Variants in TCERG1 observed in about 807,000 individuals in gnomAD.
TCERG1 encodes transcription elongation regulator 1.
Under a neutral mutation model 144.7 loss-of-function variants are expected in TCERG1, and 37 were observed. That is an observed-to-expected ratio of 0.26 (90% CI 0.20 to 0.34). TCERG1 has a LOEUF of 0.34. Ranked by LOEUF, TCERG1 falls within the 10% of genes least tolerant of loss-of-function variation. The pLI is 1.00. For missense variants in TCERG1, 1,027 were observed against 1,380.7 expected, an observed-to-expected ratio of 0.74 and a Z score of 4.06; for synonymous variants, 492 against 458.2, an observed-to-expected ratio of 1.07 and a Z score of -0.94.
At chr5:146,495,531 T>G (rs1418260525) in intron 16 of TCERG1, among the ~76,000 whole-genome samples, 1 of 152,246 alleles carries the variant, frequency 6.6e-6, no homozygotes, top group African/African-American at 2.4e-5. Context: ...TTGCAATATA[T>G]TCATTGTTAA....
chr5:146,470,355 G>A (rs1053358330), intron 7 of TCERG1, among the ~76,000 whole-genome samples: 2 of 152,018 alleles, frequency 1.3e-5, no homozygotes, highest in Non-Finnish European at 2.9e-5. Context: ...ATCCCTTTTA[G>A]CAAAATGAAT....
At chr5:146,448,623 A>G (rs529722349) in intron 1 of TCERG1, among the ~76,000 whole-genome samples, 69 of 152,344 alleles carry the variant, frequency 4.5e-4, no homozygotes, top group Non-Finnish European at 8.7e-4. Context: ...GGAAATGGGT[A>G]TTGTTATTCA....
chr5:146,501,026 A>G (rs184253683), intron 17 of TCERG1, among the ~76,000 whole-genome samples: 2 of 151,976 alleles, frequency 1.3e-5, no homozygotes, highest in Non-Finnish European at 2.9e-5. Context: ...AAAAGAAAAA[A>G]AAGTCTACTT....
intron 19 of TCERG1, chr5:146,505,626 G>A (rs185603793): frequency 0.021 from 3,136 of 152,204 alleles, 49 homozygotes; most frequent in Middle Eastern, 0.054. Flanking sequence ...TCAGGGGTAC[G>A]CTCAAGTATC....
At chr5:146,466,020 CA>C (rs57028887) in intron 5 of TCERG1, among the ~76,000 whole-genome samples, 1,627 of 82,026 alleles carry the variant, frequency 0.02, 13 homozygotes, top group African/African-American at 0.055. Context: ...AACTCTGTCT[CA>C]AAAAAAAAAA....
At position 146,503,431 on chromosome 5, in the gene TCERG1, A is replaced by G; in HGVS notation, c.2490A>G (p.Arg830=). ...ATCATCACTTGGACAGTCAGTCTCGATGGAGCAAAGTAAAAGACAAAGTAG... is the reference window on the plus strand; with the variant it reads ...ATCATCACTTGGACAGTCAGTCTCGGTGGAGCAAAGTAAAAGACAAAGTAG... The part of the protein sequence containing the change: ...LSNHHLDSQS[R]WSKVKDKVES... Residue 830 remains arginine, a synonymous_variant, in exon 18 of 23, where the codon CGA becomes CGG. Transcript: ENST00000679501. 1 of 1,613,894 alleles carries G rather than the reference A, an allele frequency of 6.2e-7. No individual in the cohort carries two copies.
intron 1 of TCERG1, 150 bp downstream of exon 1, chr5:146,447,558 G>A: frequency 9.5e-7 from 1 of 1,051,864 alleles, no homozygotes; most frequent in African/African-American, 1.7e-5. Context: ...AAGGGGGAAG[G>A]GGAAGGTGGC....
At chr5:146,495,668 G>A (rs1448793392) in intron 16 of TCERG1, among the ~76,000 whole-genome samples, 1 of 152,152 alleles carries the variant, frequency 6.6e-6, no homozygotes, top group Non-Finnish European at 1.5e-5. Context: ...TTAACCTTCA[G>A]TTGATGTTTT....
intron 15 of TCERG1, 75 bp from the exon 16 acceptor site, chr5:146,492,845 C>A: frequency 2.9e-6 from 3 of 1,027,652 alleles, no homozygotes; most frequent in Non-Finnish European, 4.5e-6. Flanking sequence ...TGGACAAAGA[C>A]ATTGTCCAAT....
At chr5:146,476,265 T>C (rs1208644158) in intron 9 of TCERG1, among the ~76,000 whole-genome samples, 1 of 152,228 alleles carries the variant, frequency 6.6e-6, no homozygotes, top group African/African-American at 2.4e-5. Context: ...GCCATTTAGA[T>C]CTACCTGAAG....
rs898855189 is a variant in TCERG1, at chr5:146,468,371, C to T, written c.1166C>T (p.Pro389Leu). ...GVAMMQIVSC[P>L]YVKTVATTKT... ...GCAATGATGCAAATAGTCAGCTGCC[C>T]GTATGTAAAGACAGTCGCTACCACC... The change falls in exon 6 of 23, where the codon CCG (proline) becomes CTG (leucine). Residue 389 changes from proline to leucine, a missense_variant. Coordinates refer to ENST00000679501, the MANE Select transcript of TCERG1 (RefSeq NM_001382548.1). 3 of 1,607,560 alleles carry T rather than the reference C, an allele frequency of 1.9e-6. No homozygotes were observed. Among genetic ancestry groups the T allele is most frequent in the African/African-American group, 1.3e-5 (1 of 74,390 alleles).
intron 1 of TCERG1, 85 bp from the exon 2 acceptor site, chr5:146,454,971 A>T (rs993204120): frequency 1.4e-6 from 2 of 1,428,704 alleles, no homozygotes; most frequent in Non-Finnish European, 1.9e-6. Flanking sequence ...AGAACCTTTT[A>T]AATTTGATGG....
chr5:146,447,606 C>T (rs941676730), intron 1 of TCERG1, among the ~76,000 whole-genome samples, 198 bp downstream of exon 1: 2 of 152,344 alleles, frequency 1.3e-5, no homozygotes, highest in South Asian at 2.1e-4. Context: ...CCAGGGCCTC[C>T]TGCGCGTTCC....
chr5:146,483,387 C>G (rs1765533496), intron 14 of TCERG1, among the ~76,000 whole-genome samples, 153 bp from the exon 15 acceptor site: 1 of 151,986 alleles, frequency 6.6e-6, no homozygotes. Context: ...CTATTGCTAG[C>G]CTCCCACTGC....
At chr5:146,463,371 A>G (rs1031990762) in intron 4 of TCERG1, among the ~76,000 whole-genome samples, 180 bp from the exon 5 acceptor site, 1 of 152,056 alleles carries the variant, frequency 6.6e-6, no homozygotes, top group East Asian at 1.9e-4. Context: ...CTTTGTATTC[A>G]TTTTTGTATT....
Position 146,459,042 on chromosome 5 carries a change from C to CCAGGCTCAGGCT in TCERG1, c.602_603insTCAGGCTCAGGC (p.Ala239_Gln242dup), listed in dbSNP as rs1763086755. 2 of 1,609,222 alleles carry CCAGGCTCAGGCT rather than the reference C, an allele frequency of 1.2e-6. No individual in the cohort carries two copies. Among genetic ancestry groups the CCAGGCTCAGGCT allele is most frequent in the African/African-American group, 2.7e-5 (2 of 74,356 alleles). ...CTCAGGCCCAGGCGCAGGCTCAGGC[C>CCAGGCTCAGGCT]CAGGCACAAGCTCAGGCCCAGGCTC... On this transcript the variant is annotated inframe_insertion, in exon 4 of 23. Transcript: ENST00000679501.
At chr5:146,504,887 A>C (rs1241872437) in intron 19 of TCERG1, among the ~76,000 whole-genome samples, 1 of 152,064 alleles carries the variant, frequency 6.6e-6, no homozygotes, top group Non-Finnish European at 1.5e-5. Flanking sequence ...TCTCTAATAA[A>C]AATACAAAAT....
chr5:146,460,450 T>C (rs145314422), intron 4 of TCERG1, among the ~76,000 whole-genome samples: 1 of 152,230 alleles, frequency 6.6e-6, no homozygotes, highest in Admixed American at 6.5e-5. Flanking sequence ...TTATTTGTTA[T>C]GGCACTTGTC....
intron 2 of TCERG1, among the ~76,000 whole-genome samples, chr5:146,455,540 C>G (rs931625555): frequency 1.3e-5 from 2 of 152,110 alleles, no homozygotes; most frequent in African/African-American, 2.4e-5. Context: ...CTACCTTTAG[C>G]TCTGTGAATT....
Sources: gnomAD v4.1 joint callset for allele counts (sites outside exome capture counted in the v4.1 genomes callset) on GRCh38, gnomAD v4.1.1 for gene constraint, MANE v1.5 for transcripts, NCBI Gene and HGNC (gene_info 2026-07-23, HGNC 2026-07-21) for gene names.